The following MTHFD1L variants were observed in gnomAD, a reference collection of about 807,000 sequenced individuals.
The protein encoded by MTHFD1L is monofunctional C1-tetrahydrofolate synthase, mitochondrial.
Under a neutral mutation model 119.5 loss-of-function variants are expected in MTHFD1L, and 81 were observed. The ratio of observed to expected loss-of-function variants is 0.68; its 90% CI spans 0.57 to 0.82. The LOEUF (loss-of-function observed/expected upper bound fraction) is 0.82, where lower values mean the gene tolerates loss of function less well. Ranked by LOEUF, MTHFD1L falls within the 40% of genes least tolerant of loss-of-function variation. The probability of loss-of-function intolerance (pLI) is 0.00; values close to 1 mark genes in which losing one functional copy is unlikely to be tolerated. For missense variants in MTHFD1L, 1,125 were observed against 1,253.4 expected, an observed-to-expected ratio of 0.90 and a Z score of 1.55; for synonymous variants, 430 against 475.2, an observed-to-expected ratio of 0.90 and a Z score of 1.24.
chr6:151,077,833 G>A (rs533840214), intron 26 of MTHFD1L, among the ~76,000 whole-genome samples: 6 of 152,098 alleles, frequency 3.9e-5, no homozygotes, highest in Admixed American at 1.3e-4. Context: ...GAAGGCCGAG[G>A]CGGGCGGAGC....
chr6:150,883,189 T>G (rs1205298002), intron 5 of MTHFD1L, among the ~76,000 whole-genome samples: 1 of 151,994 alleles, frequency 6.6e-6, no homozygotes, highest in Non-Finnish European at 1.5e-5. Flanking sequence ...TGCGCTACCA[T>G]GCCTGGCTAA....
intron 8 of MTHFD1L, among the ~76,000 whole-genome samples, chr6:150,916,737 CTTTTTTTTTTTT>C (rs57961829): frequency 3.6e-3 from 258 of 71,964 alleles, no homozygotes; most frequent in Non-Finnish European, 5.3e-3. Context: ...GATTCTATCC[CTTTTTTTTTTTT>C]TTTTTTTTTT....
At chr6:150,885,867 A>G (rs912224147) in intron 6 of MTHFD1L, 133 bp downstream of exon 6, 17 of 638,540 alleles carry the variant, frequency 2.7e-5, no homozygotes, top group Non-Finnish European at 4.2e-5. Flanking sequence ...GGATGTTTCT[A>G]GAAGATTCTA....
intron 26 of MTHFD1L, among the ~76,000 whole-genome samples, chr6:151,042,948 G>C (rs1787351792): frequency 1.3e-5 from 2 of 152,184 alleles, no homozygotes; most frequent in Non-Finnish European, 2.9e-5. Flanking sequence ...AGTTGCAAGA[G>C]AGTGAGAACA....
At position 150,948,344 on chromosome 6, in the gene MTHFD1L, G is replaced by A. The variant is rs1000329422; in HGVS notation, c.1624-687G>A. On this transcript the variant is annotated intron_variant, in intron 15 of 27. Coordinates refer to ENST00000367321, the MANE Select transcript of MTHFD1L (RefSeq NM_015440.5). ...TTGTTTTTTGGTTTTTTTGGAGACA[G>A]AGTCTTGCTCTGTCACTCAGGCTGG... Among the ~76,000 whole-genome samples the A allele has an allele frequency of 7.3e-5, 11 of 151,262 alleles. 1 individual carries two copies. The highest frequency in any genetic ancestry group is 3.3e-4 in the Admixed American group (5 of 15,166).
Position 151,039,940 on chromosome 6 carries a change from ACATACATGCATACATG to A in MTHFD1L, c.2847+2839_2847+2854del, listed in dbSNP as rs770404743. Reference sequence around the variant, plus strand: ...TAAATACATACATACATACATACATACATACATGCATACATGCATACATGCATACATAGAATGGCCT... The same window carrying A: ...TAAATACATACATACATACATACATACATACATGCATACATAGAATGGCCT... On this transcript the variant is annotated intron_variant, in intron 26 of 27. Coordinates refer to ENST00000367321, the MANE Select transcript of MTHFD1L (RefSeq NM_015440.5). This position sits in a 1 kb window ranked among gnomAD's most constrained non-coding sequence, Gnocchi z 4.4. Among the ~76,000 whole-genome samples the A allele has an allele frequency of 6.7e-6, 1 of 150,098 alleles. No individual in the cohort carries two copies. Among genetic ancestry groups the A allele is most frequent in the Admixed American group, 6.6e-5 (1 of 15,104 alleles).
At chr6:150,888,010 T>C in intron 7 of MTHFD1L, 29 bp downstream of exon 7, 1 of 1,577,612 alleles carries the variant, frequency 6.3e-7, no homozygotes, top group African/African-American at 1.4e-5. Flanking sequence ...ACATACATCT[T>C]GAAGGCTTCT....
chr6:151,060,789 G>A (rs957610769), intron 26 of MTHFD1L, among the ~76,000 whole-genome samples: 31 of 149,582 alleles, frequency 2.1e-4, no homozygotes, highest in African/African-American at 7.5e-4. Flanking sequence ...GGCCTTGAGC[G>A]TCAAGCTTAG....
intron 20 of MTHFD1L, among the ~76,000 whole-genome samples, chr6:150,978,144 C>T (rs916822833): frequency 4.6e-5 from 7 of 151,988 alleles, no homozygotes; most frequent in African/African-American, 9.7e-5. Context: ...GTGTTCCACC[C>T]GCCTCGGCCT....
chr6:150,947,840 A>G (rs1244762798), intron 15 of MTHFD1L, among the ~76,000 whole-genome samples: 1 of 152,162 alleles, frequency 6.6e-6, no homozygotes, highest in Non-Finnish European at 1.5e-5. Flanking sequence ...AGTTAGCTGT[A>G]TGCTGTCCAC....
chr6:151,059,792 G>T (rs183589321), intron 26 of MTHFD1L, among the ~76,000 whole-genome samples: 5 of 152,324 alleles, frequency 3.3e-5, no homozygotes, highest in Admixed American at 1.3e-4. Context: ...GTGCTGCTCA[G>T]TTACGGGATG....
At chr6:151,026,080 A>T (rs1784573545) in intron 24 of MTHFD1L, among the ~76,000 whole-genome samples, 1 of 152,222 alleles carries the variant, frequency 6.6e-6, no homozygotes, top group Non-Finnish European at 1.5e-5. Context: ...GAATGTACAG[A>T]TCAATTTTAT....
intron 1 of MTHFD1L, chr6:150,866,302 G>T: frequency 6.8e-7 from 1 of 1,474,132 alleles, no homozygotes; most frequent in Admixed American, 2.4e-5. Context: ...TCCAATGGGC[G>T]CCTAGCGGCA....
intron 11 of MTHFD1L, among the ~76,000 whole-genome samples, chr6:150,930,791 GA>G (rs1434650740): frequency 6.6e-6 from 1 of 151,928 alleles, no homozygotes; most frequent in Non-Finnish European, 1.5e-5. Context: ...AAAACAATGA[GA>G]TTTTTTTAAA....
At chr6:150,968,950 G>A (rs1797636397) in intron 19 of MTHFD1L, among the ~76,000 whole-genome samples, 1 of 149,992 alleles carries the variant, frequency 6.7e-6, no homozygotes, top group Non-Finnish European at 1.5e-5. Context: ...CCGGTTTCAA[G>A]CGATTCTCCT....
intron 26 of MTHFD1L, among the ~76,000 whole-genome samples, chr6:151,047,579 G>A (rs999493768): frequency 7.2e-5 from 11 of 152,156 alleles, no homozygotes; most frequent in Admixed American, 4.6e-4. Flanking sequence ...TGAAGGTACC[G>A]TGATCTGTTA....
intron 7 of MTHFD1L, among the ~76,000 whole-genome samples, chr6:150,905,036 C>CTTTTTT (rs36039459): frequency 4.4e-4 from 49 of 111,684 alleles, no homozygotes; most frequent in South Asian, 6.3e-4. Flanking sequence ...TTGTTTTCCT[C>CTTTTTT]TTTTTTTTTT....
chr6:150,865,898 C>T lies in MTHFD1L; in HGVS notation c.76C>T (p.Arg26Cys). 1 of 1,194,124 alleles carries T rather than the reference C, an allele frequency of 8.4e-7. No homozygotes were observed. Among genetic ancestry groups the T allele is most frequent in the South Asian group, 3.9e-5 (1 of 25,900 alleles). The allele number at this position is 1,194,124 out of a possible 1,614,324, so 74.0% of individuals were successfully genotyped here. A position where few individuals can be genotyped will look rare whatever the true frequency, so the allele number is the denominator to read the frequency against. Residue 26 changes from arginine (R) to cysteine (C), a missense_variant, in exon 1 of 28, where the codon CGT becomes TGT. This residue lies in a region of MTHFD1L where 1,058 missense variants were observed against 1,151.2 expected (regional missense o/e 0.92). Coordinates refer to ENST00000367321, the MANE Select transcript of MTHFD1L (RefSeq NM_015440.5). ...PQPPGPPRRLRVPCRASSGGG... is the reference protein window; with the variant it reads ...PQPPGPPRRLCVPCRASSGGG... ...GCCCCCGGGCCCTCCGCGCCGCCTC[C>T]GTGTGCCCTGTCGCGCTAGCAGCGG...
chr6:150,886,413 G>A (rs2128771318), intron 6 of MTHFD1L, among the ~76,000 whole-genome samples: 1 of 140,224 alleles, frequency 7.1e-6, no homozygotes. Context: ...TCTAGCCTGG[G>A]CAATATAGCA....
Sources: gnomAD v4.1 joint callset for allele counts (sites outside exome capture counted in the v4.1 genomes callset) on GRCh38, gnomAD v4.1.1 for gene constraint, gnomAD v4.1.1 regional missense constraint, Gnocchi (gnomAD v3.1) non-coding constraint, MANE v1.5 for transcripts, NCBI Gene and HGNC (gene_info 2026-07-23, HGNC 2026-07-21) for gene names.